ZNF440: variants seen among roughly 807,000 people sequenced by gnomAD.
ZNF440 encodes the protein zinc finger protein 440.
A neutral mutation model predicts 49.7 loss-of-function variants in ZNF440; 47 were observed. That is an observed-to-expected ratio of 0.95 (90% CI 0.75 to 1.21). The LOEUF (loss-of-function observed/expected upper bound fraction) is 1.21. Among genes scored for constraint, ZNF440 ranks in the 50% most tolerant of loss-of-function variants. ZNF440 has a pLI of 0.00. For synonymous variants in ZNF440, 255 were observed against 237.7 expected (o/e 1.07, Z -0.67); for missense variants, 703 against 715.0 (o/e 0.98, Z 0.19).
chr19:11,818,261 A>G (rs62110816), intron 1 of ZNF440, among the ~76,000 whole-genome samples: 26,779 of 152,090 alleles, frequency 0.18, 3,138 homozygotes, highest in Non-Finnish European at 0.26. Flanking sequence ...GAAAGCACAT[A>G]TTATTATGGG....
Position 11,831,696 on chromosome 19 carries a change from T to C in ZNF440, c.520T>C (p.Cys174Arg). 1 of 1,614,108 alleles carries C rather than the reference T, an allele frequency of 6.2e-7. No individual in the cohort carries two copies. Among genetic ancestry groups the C allele is most frequent in the Non-Finnish European group, 8.5e-7 (1 of 1,180,004 alleles). The change falls in exon 4 of 4, where the codon TGT (cysteine) becomes CGT (arginine). Residue 174 changes from cysteine to arginine, a missense_variant. By Grantham distance (180) the Cys-to-Arg change is radical. Transcript: ENST00000304060. ...RDHTGEKPNA[C>R]KVCGKTFISH... ...TCACACTGGAGAGAAACCCAATGCTTGTAAAGTATGTGGAAAAACCTTTAT... is the reference window on the plus strand; with the variant it reads ...TCACACTGGAGAGAAACCCAATGCTCGTAAAGTATGTGGAAAAACCTTTAT...
intron 1 of ZNF440, chr19:11,816,259 T>A (rs1975731733): frequency 6.6e-6 from 1 of 152,174 alleles, no homozygotes; most frequent in Non-Finnish European, 1.5e-5. Context: ...TTGTCTAAAG[T>A]TTGGAGGAGG....
chr19:11,832,716 C>A lies in ZNF440; in HGVS notation c.1540C>A (p.Pro514Thr). Reference sequence around the variant, plus strand: ...GAAAGGACTCACACTGGAGAGAAGCCCTATAAATGCGAGCAATGTGGGAAA... The same window carrying A: ...GAAAGGACTCACACTGGAGAGAAGCACTATAAATGCGAGCAATGTGGGAAA... ...IMKGLTLERSPINASNVGKPS... is the reference protein window; with the variant it reads ...IMKGLTLERSTINASNVGKPS... Residue 514 changes from proline (P) to threonine (T), a missense_variant, in exon 4 of 4, where the codon CCT becomes ACT. Pro to Thr is a conservative substitution (Grantham distance 38). Transcript: ENST00000304060. 2 of 1,613,504 alleles carry A rather than the reference C, an allele frequency of 1.2e-6. No homozygotes were observed. The highest frequency in any genetic ancestry group is 1.7e-6 in the Non-Finnish European group (2 of 1,179,888).
At chr19:11,827,121 TG>T (rs1975876533) in intron 1 of ZNF440, among the ~76,000 whole-genome samples, 1 of 151,100 alleles carries the variant, frequency 6.6e-6, no homozygotes, top group African/African-American at 2.4e-5. Context: ...TGGAGGGCAG[TG>T]GCGTAATCTT....
At chr19:11,829,613 G>A (rs1036619885) in intron 1 of ZNF440, among the ~76,000 whole-genome samples, 7 of 152,184 alleles carry the variant, frequency 4.6e-5, no homozygotes, top group East Asian at 1.9e-4. Context: ...CCCTGGGTTC[G>A]GTAAATACAT....
At position 11,830,106 on chromosome 19, in the gene ZNF440, AAAC is replaced by A; in HGVS notation, c.4-174_4-172del. ...GCCTGGGCAACAAGAGTGAAAAAAA[AAAC>A]AAGTTGCTTTGTGGAAGAAAGTAAG... On this transcript the variant is annotated intron_variant, in intron 1 of 3. Transcript: ENST00000304060. The A allele has an allele frequency of 6.6e-6, 9 of 1,357,496 alleles. No individual in the cohort carries two copies. In the South Asian group the frequency reaches 1.4e-4, roughly 21 times the overall value. 84.1% of individuals were successfully genotyped at this position (1,357,496 alleles called of 1,614,324 possible).
At chr19:11,818,764 T>C (rs1023246711) in intron 1 of ZNF440, among the ~76,000 whole-genome samples, 3 of 152,128 alleles carry the variant, frequency 2.0e-5, no homozygotes, top group African/African-American at 7.2e-5. Context: ...GGTCTCTAGC[T>C]CCTGGCCTCA....
chr19:11,820,075 T>G (rs944349370), intron 1 of ZNF440, among the ~76,000 whole-genome samples: 2 of 152,214 alleles, frequency 1.3e-5, no homozygotes, highest in African/African-American at 4.8e-5. Flanking sequence ...GAATAACCAC[T>G]AGACATTTTC....
rs1384034811 is a variant in ZNF440, at chr19:11,831,805, A to C, written c.629A>C (p.His210Pro). 3.1e-6 allele frequency: 5 copies of C among 1,609,184 alleles called. No individual in the cohort carries two copies. The highest frequency in any genetic ancestry group is 1.7e-5 in the Admixed American group (1 of 59,788). Residue 210 changes from histidine (H) to proline (P), a missense_variant, in exon 4 of 4, where the codon CAT (histidine) becomes CCT (proline). His to Pro is a moderately conservative substitution (Grantham distance 77). Transcript: ENST00000304060. Reference protein sequence around the residue: ...YKCKFCGKAFHCLRLYLIHER... With the variant: ...YKCKFCGKAFPCLRLYLIHER... ...TGTAAGTTTTGTGGGAAAGCATTCC[A>C]TTGTCTCAGATTATATCTTATCCAT...
At chr19:11,824,230 G>A (rs1226453420) in intron 1 of ZNF440, among the ~76,000 whole-genome samples, 1 of 149,132 alleles carries the variant, frequency 6.7e-6, no homozygotes, top group Non-Finnish European at 1.5e-5. Flanking sequence ...AAAAAAATTA[G>A]TTTCAATAGG....
intron 1 of ZNF440, among the ~76,000 whole-genome samples, chr19:11,819,063 T>C (rs1157893629): frequency 6.6e-6 from 1 of 152,064 alleles, no homozygotes; most frequent in East Asian, 1.9e-4. Context: ...ACCCCAGCAC[T>C]TTGGGAGGCC....
chr19:11,818,896 G>A (rs143371925), intron 1 of ZNF440, among the ~76,000 whole-genome samples: 82 of 152,190 alleles, frequency 5.4e-4, no homozygotes, highest in African/African-American at 1.9e-3. Context: ...TTTAAAGCTC[G>A]TTTTTATTTC....
chr19:11,819,198 G>C (rs573269986), intron 1 of ZNF440, among the ~76,000 whole-genome samples: 1 of 152,090 alleles, frequency 6.6e-6, no homozygotes, highest in Admixed American at 6.6e-5. Flanking sequence ...TGAGGGAAAG[G>C]GTCTTTCCTG....
intron 3 of ZNF440, 23 bp from the exon 4 acceptor site, chr19:11,831,345 A>G (rs1001875210): frequency 3.8e-5 from 61 of 1,594,128 alleles, no homozygotes; most frequent in Non-Finnish European, 5.1e-5. Context: ...AACCCTTCAT[A>G]ATATGCTTCT....
At chr19:11,822,892 A>G (rs1975816506) in intron 1 of ZNF440, among the ~76,000 whole-genome samples, 1 of 150,930 alleles carries the variant, frequency 6.6e-6, no homozygotes, top group Non-Finnish European at 1.5e-5. Context: ...TGCTTTTTCC[A>G]TTGGTCTATC....
In ZNF440 at chr19:11,814,308, C is replaced by A; in HGVS notation, c.-140C>A. 1.1e-6 allele frequency: 1 copy of A among 878,530 alleles called. No homozygotes were observed. Among genetic ancestry groups the A allele is most frequent in the Non-Finnish European group, 1.6e-6 (1 of 622,802 alleles). 54.4% of individuals were successfully genotyped at this position (878,530 alleles called of 1,614,324 possible). A position where few individuals can be genotyped will look rare whatever the true frequency, so the allele number is the denominator to read the frequency against. ...CATTCCTTTAGTGCTGCGCCGACAG[C>A]GGTCAGGATCTCGGCTTTCTTGCTT... On this transcript the variant is annotated 5_prime_UTR_variant, in exon 1 of 4. Coordinates refer to ENST00000304060, the MANE Select transcript of ZNF440 (RefSeq NM_152357.3).
In ZNF440 at chr19:11,831,491, A is replaced by T. The variant is rs759427588; in HGVS notation, c.315A>T (p.Ser105=). 63 of 1,613,906 alleles carry T rather than the reference A, an allele frequency of 3.9e-5. No individual in the cohort carries two copies. Among genetic ancestry groups the T allele is most frequent in the Non-Finnish European group, 5.3e-5 (62 of 1,179,902 alleles). The change falls in exon 4 of 4, where the codon TCA becomes TCT. Residue 105 remains serine (S), a synonymous_variant. Coordinates refer to ENST00000304060, the MANE Select transcript of ZNF440 (RefSeq NM_152357.3). ...QEKKASPEVK[S]CESFVCGEVG... is the part of the protein sequence containing the mutation. Reference sequence around the variant, plus strand: ...AGAAAGCTTCTCCTGAAGTAAAATCATGTGAAAGCTTTGTGTGTGGAGAAG... The same window carrying T: ...AGAAAGCTTCTCCTGAAGTAAAATCTTGTGAAAGCTTTGTGTGTGGAGAAG...
At chr19:11,831,340 T>G (rs1353169365) in intron 3 of ZNF440, 28 bp from the exon 4 acceptor site, 1 of 1,590,496 alleles carries the variant, frequency 6.3e-7, no homozygotes, top group East Asian at 2.2e-5. Context: ...AAACAAACCC[T>G]TCATAATATG....
In ZNF440 at chr19:11,832,136, A is replaced by AT. The variant is rs1975952284; in HGVS notation, c.962dup (p.Leu321PhefsTer21). On this transcript the variant is annotated frameshift_variant, in exon 4 of 4. Transcript: ENST00000304060. LOFTEE classifies it high-confidence loss of function. Reference sequence around the variant, plus strand: ...ATGAATGTAAGCAGTGTGGGAAAGCATTATCCTCTCTTACAAGTTTTCAAA... The same window carrying AT: ...ATGAATGTAAGCAGTGTGGGAAAGCATTTATCCTCTCTTACAAGTTTTCAAA... 1 of 1,614,074 alleles carries AT rather than the reference A, an allele frequency of 6.2e-7. No individual in the cohort carries two copies. The highest frequency in any genetic ancestry group is 8.5e-7 in the Non-Finnish European group (1 of 1,180,026).
Sources: allele counts gnomAD v4.1 joint callset (sites outside exome capture counted in the v4.1 genomes callset), GRCh38; gene constraint gnomAD v4.1.1; transcripts MANE v1.5; gene names NCBI Gene and HGNC (gene_info 2026-07-23, HGNC 2026-07-21).